SOD2: variants seen among roughly 807,000 people sequenced by gnomAD.
SOD2 encodes the protein superoxide dismutase [Mn], mitochondrial.
In SOD2, 11 loss-of-function variants were observed where a neutral mutation model predicts 27.0. The ratio of observed to expected loss-of-function variants is 0.41; its 90% CI spans 0.26 to 0.67. SOD2 has a LOEUF of 0.67. SOD2 is among the 30% of genes least tolerant of loss of function. The pLI is 0.34. For synonymous variants in SOD2, 105 were observed against 103.0 expected, an observed-to-expected ratio of 1.02 and a Z score of -0.12; for missense variants, 250 against 274.5, an observed-to-expected ratio of 0.91 and a Z score of 0.63.
chr6:159,691,017 T>A (rs1777169694), intron 2 of SOD2: 1 of 152,216 alleles, frequency 6.6e-6, no homozygotes, highest in Non-Finnish European at 1.5e-5. Flanking sequence ...AAAATCTTTT[T>A]AATAATTTTT....
At chr6:159,740,567 A>C (rs1472292644) in intron 1 of SOD2, among the ~76,000 whole-genome samples, 1 of 152,170 alleles carries the variant, frequency 6.6e-6, no homozygotes, top group East Asian at 1.9e-4. Flanking sequence ...TTCTCTATAC[A>C]TCCCCAAATA....
At chr6:159,720,847 CTTTT>C (rs763455003) in intron 1 of SOD2, among the ~76,000 whole-genome samples, 11 of 59,946 alleles carry the variant, frequency 1.8e-4, no homozygotes, top group Non-Finnish European at 2.9e-4. Flanking sequence ...TTTTCTTTAC[CTTTT>C]TTTTTTTTTT....
At chr6:159,757,814 T>C (rs931810222) in intron 1 of SOD2, among the ~76,000 whole-genome samples, 1 of 152,216 alleles carries the variant, frequency 6.6e-6, no homozygotes, top group Non-Finnish European at 1.5e-5. Flanking sequence ...TCAGATACTG[T>C]GTTTGGCTTT....
rs1441782747 is a variant in SOD2 at position 159,680,249 on chromosome 6, G to C, written c.*2244C>G. The stretch of plus-strand genomic sequence containing the variant: ...TATTCAAAAGCTCATCTTTCAAAAG[G>C]TTCCACCTTGCCCGTCTATTTAAAC... On this transcript the variant is annotated 3_prime_UTR_variant, in exon 5 of 5. Transcript: ENST00000538183. The C allele has an allele frequency of 6.6e-6, 1 of 152,122 alleles. No individual in the cohort carries two copies. Among genetic ancestry groups the C allele is most frequent in the East Asian group, 1.9e-4 (1 of 5,196 alleles). 9.4% of individuals were successfully genotyped at this position (152,122 alleles called of 1,614,324 possible). A position where few individuals can be genotyped will look rare whatever the true frequency, so the allele number is the denominator to read the frequency against.
At chr6:159,688,383 C>A (rs1780293756) in intron 2 of SOD2, 141 bp from the exon 3 acceptor site, 9 of 593,138 alleles carry the variant, frequency 1.5e-5, no homozygotes, top group Non-Finnish European at 2.4e-5. Flanking sequence ...AATTCAGCAC[C>A]CCCCCGCCCC....
chr6:159,723,495 G>A (rs1778079823), intron 1 of SOD2, among the ~76,000 whole-genome samples: 1 of 152,196 alleles, frequency 6.6e-6, no homozygotes. Flanking sequence ...TCCCGTCCCA[G>A]AGCTGGAATC....
At chr6:159,728,135 G>T (rs1778328696), upstream of SOD2, among the ~76,000 whole-genome samples, 1 of 152,258 alleles carries the variant, frequency 6.6e-6, no homozygotes, top group Non-Finnish European at 1.5e-5. Flanking sequence ...ATGTCACGCA[G>T]TAGGATGTTA....
At chr6:159,742,059 C>T (rs765009144) in intron 1 of SOD2, 4 of 1,500,974 alleles carry the variant, frequency 2.7e-6, no homozygotes, top group South Asian at 2.4e-5. Context: ...TTTATCGTAA[C>T]AACTAATGTA....
chr6:159,678,602 T>A lies in SOD2; in HGVS notation c.*3891A>T, dbSNP rs978169915. Reference sequence around the variant, plus strand: ...TAACCAATATGTAGTTTTAATAAAGTAATAAAATTAAAAATGGGTAAACAT... The same window carrying A: ...TAACCAATATGTAGTTTTAATAAAGAAATAAAATTAAAAATGGGTAAACAT... On this transcript the variant is annotated 3_prime_UTR_variant, in exon 5 of 5. Coordinates refer to ENST00000538183, the MANE Select transcript of SOD2 (RefSeq NM_000636.4). 7.2e-5 allele frequency: 11 copies of A among 152,336 alleles called. No individual in the cohort carries two copies. Among genetic ancestry groups the A allele is most frequent in the African/African-American group, 2.6e-4 (11 of 41,584 alleles). The allele number at this position is 152,336 out of a possible 1,614,324, so 9.4% of individuals were successfully genotyped here.
intron 1 of SOD2, among the ~76,000 whole-genome samples, chr6:159,744,506 C>G (rs1049830280): frequency 7.2e-6 from 1 of 139,604 alleles, no homozygotes; most frequent in Non-Finnish European, 1.5e-5. Context: ...TTGGAGACAC[C>G]AAAAATCTAT....
rs138608084 is a variant in SOD2 at position 159,720,737 on chromosome 6, G to C, written c.-116+6392C>G. Reference sequence around the variant, plus strand: ...GATTTGCATGACAACCCTTTCTCTTGTATTCTCTGTAAACTGGAGGTTGTC... The same window carrying C: ...GATTTGCATGACAACCCTTTCTCTTCTATTCTCTGTAAACTGGAGGTTGTC... On this transcript the variant is annotated intron_variant, in intron 1 of 2. Transcript: ENST00000401980. Among the ~76,000 whole-genome samples the C allele has an allele frequency of 3.5e-3, 526 of 149,032 alleles. 2 individuals are homozygous for C. The highest frequency in any genetic ancestry group is 0.013 in the African/African-American group (514 of 40,690).
At chr6:159,753,712 T>C (rs1779901573) in intron 1 of SOD2, 1 of 1,406,158 alleles carries the variant, frequency 7.1e-7, no homozygotes, top group South Asian at 1.4e-5. Context: ...CTGTACATTG[T>C]TAACCTCTGC....
chr6:159,677,977 A>C lies in SOD2; in HGVS notation c.*4516T>G, dbSNP rs1331817107. On this transcript the variant is annotated 3_prime_UTR_variant, in exon 5 of 5. Coordinates refer to ENST00000538183, the MANE Select transcript of SOD2 (RefSeq NM_000636.4). The stretch of plus-strand genomic sequence containing the variant: ...GGCTGCTTACCAGAAAGACCAAGGC[A>C]AGATTGGAGGGTTTGGACTCCCAGC... 3 of 152,184 alleles carry C rather than the reference A, an allele frequency of 2.0e-5. No homozygotes were observed. Among genetic ancestry groups the C allele is most frequent in the Non-Finnish European group, 4.4e-5 (3 of 68,036 alleles). 9.4% of individuals were successfully genotyped at this position (152,184 alleles called of 1,614,324 possible). A position where few individuals can be genotyped will look rare whatever the true frequency, so the allele number is the denominator to read the frequency against.
chr6:159,742,177 G>A, intron 1 of SOD2: 1 of 1,520,950 alleles, frequency 6.6e-7, no homozygotes, highest in Non-Finnish European at 9.0e-7. Flanking sequence ...CCTAAAGACT[G>A]AATAATCTCC....
At chr6:159,752,579 G>A (rs1221267983) in intron 1 of SOD2, among the ~76,000 whole-genome samples, 1 of 152,090 alleles carries the variant, frequency 6.6e-6, no homozygotes, top group Non-Finnish European at 1.5e-5. Context: ...AGATATTTGC[G>A]TGTTTGAATT....
upstream of SOD2, among the ~76,000 whole-genome samples, chr6:159,745,710 G>A (rs1392467424): frequency 6.6e-6 from 1 of 152,188 alleles, no homozygotes; most frequent in Non-Finnish European, 1.5e-5. Flanking sequence ...ATCAGATTTA[G>A]ATTTACATTT....
chr6:159,677,464 A>G lies in SOD2; in HGVS notation c.*5029T>C, dbSNP rs1562411539. 6.6e-6 allele frequency: 1 copy of G among 152,232 alleles called. No homozygotes were observed. Among genetic ancestry groups the G allele is most frequent in the African/African-American group, 2.4e-5 (1 of 41,456 alleles). 9.4% of individuals were successfully genotyped at this position (152,232 alleles called of 1,614,324 possible). Reference sequence around the variant, plus strand: ...ATGCCAGTACTATACCAAATAGTATACCACTTTAGGAAGAGTGGTACCAGG... The same window carrying G: ...ATGCCAGTACTATACCAAATAGTATGCCACTTTAGGAAGAGTGGTACCAGG... On this transcript the variant is annotated 3_prime_UTR_variant, in exon 5 of 5. Transcript: ENST00000538183.
intron 1 of SOD2, among the ~76,000 whole-genome samples, chr6:159,705,775 A>G (rs1777614486): frequency 6.6e-6 from 1 of 152,254 alleles, no homozygotes; most frequent in Admixed American, 6.5e-5. Context: ...AATGCCACAA[A>G]GATACTCCTC....
chr6:159,702,016 T>C (rs946222178), intron 1 of SOD2, among the ~76,000 whole-genome samples: 3 of 152,230 alleles, frequency 2.0e-5, no homozygotes, highest in Non-Finnish European at 4.4e-5. Flanking sequence ...TCTAAGGTTT[T>C]TCCTACTGAG....
Sources: allele counts gnomAD v4.1 joint callset (sites outside exome capture counted in the v4.1 genomes callset), GRCh38; gene constraint gnomAD v4.1.1; transcripts MANE v1.5; gene names NCBI Gene and HGNC (gene_info 2026-07-23, HGNC 2026-07-21).